Variants in MACROD2 observed in about 807,000 individuals in gnomAD.
The protein encoded by MACROD2 is ADP-ribose glycohydrolase MACROD2.
In MACROD2, 36 loss-of-function variants were observed where a neutral mutation model predicts 70.4. That is an observed-to-expected ratio of 0.51 (90% confidence interval 0.39 to 0.68). The LOEUF is 0.68. MACROD2 is among the 30% of genes least tolerant of loss of function. The pLI, the probability that MACROD2 is intolerant of heterozygous loss-of-function variation, is 0.00. For synonymous variants in MACROD2, 172 were observed against 178.8 expected (o/e 0.96, Z 0.30); for missense variants, 496 against 538.4 (o/e 0.92, Z 0.78).
At chr20:14,622,540 A>G (rs1313127899) in intron 4 of MACROD2, among the ~76,000 whole-genome samples, 1 of 152,148 alleles carries the variant, frequency 6.6e-6, no homozygotes, top group Non-Finnish European at 1.5e-5. Flanking sequence ...TTATTGTACT[A>G]TCATAGGGGA....
chr20:15,938,656 A>G (rs972895102), intron 12 of MACROD2, among the ~76,000 whole-genome samples: 1 of 152,164 alleles, frequency 6.6e-6, no homozygotes, highest in Non-Finnish European at 1.5e-5. Context: ...GCCAATTAAT[A>G]GACCTACAAT....
chr20:14,504,769 T>A (rs1017761843), intron 4 of MACROD2, among the ~76,000 whole-genome samples: 2 of 152,196 alleles, frequency 1.3e-5, no homozygotes, highest in Admixed American at 1.3e-4. Context: ...GTATTTTCAA[T>A]AATCAGAAAT....
chr20:14,555,884 G>T (rs561262242), intron 4 of MACROD2, among the ~76,000 whole-genome samples: 44 of 152,176 alleles, frequency 2.9e-4, no homozygotes, highest in African/African-American at 1.0e-3. Flanking sequence ...GCTGCAATTA[G>T]TTTTGCCTCA....
chr20:15,077,599 C>G (rs2075667968), intron 5 of MACROD2, among the ~76,000 whole-genome samples: 1 of 152,066 alleles, frequency 6.6e-6, no homozygotes, highest in African/African-American at 2.4e-5. Context: ...ATGTTTTACT[C>G]CAAGAATGGC....
intron 7 of MACROD2, among the ~76,000 whole-genome samples, chr20:15,495,330 T>C (rs1039553125): frequency 2.6e-5 from 4 of 152,230 alleles, no homozygotes; most frequent in African/African-American, 9.7e-5. Context: ...TTACCTTGTA[T>C]ATCCATGTCC....
At chr20:15,959,070 CAT>C (rs896757361) in intron 12 of MACROD2, among the ~76,000 whole-genome samples, 24 of 152,282 alleles carry the variant, frequency 1.6e-4, no homozygotes, top group African/African-American at 5.8e-4. Flanking sequence ...TTCTAGAACT[CAT>C]AGTTAAGCCT....
chr20:15,566,992 A>C (rs995795332), intron 8 of MACROD2, among the ~76,000 whole-genome samples: 1 of 152,174 alleles, frequency 6.6e-6, no homozygotes, highest in Non-Finnish European at 1.5e-5. Flanking sequence ...AAAGTGGAAA[A>C]GCCAGATCTT....
intron 12 of MACROD2, among the ~76,000 whole-genome samples, chr20:15,943,276 T>C (rs2065775692): frequency 6.6e-6 from 1 of 152,190 alleles, no homozygotes; most frequent in African/African-American, 2.4e-5. Flanking sequence ...AACGGCATTG[T>C]TTCTGTTCTT....
At chr20:15,493,058 T>G (rs1269283862) in intron 7 of MACROD2, among the ~76,000 whole-genome samples, 1 of 152,194 alleles carries the variant, frequency 6.6e-6, no homozygotes, top group African/African-American at 2.4e-5. Flanking sequence ...AGGATATGGA[T>G]GAAAACCCTT....
At chr20:15,494,019 C>T (rs958113995) in intron 7 of MACROD2, among the ~76,000 whole-genome samples, 1 of 152,122 alleles carries the variant, frequency 6.6e-6, no homozygotes, top group Non-Finnish European at 1.5e-5. Context: ...CCTTTCTTGG[C>T]TTAGGAACAT....
chr20:16,009,498 T>C (rs1038414125), intron 15 of MACROD2, among the ~76,000 whole-genome samples: 2 of 152,228 alleles, frequency 1.3e-5, no homozygotes, highest in Non-Finnish European at 2.9e-5. Flanking sequence ...GGCTCATGCC[T>C]GTAATCCCAG....
At chr20:15,313,735 G>C (rs2077778760) in intron 6 of MACROD2, among the ~76,000 whole-genome samples, 2 of 152,114 alleles carry the variant, frequency 1.3e-5, no homozygotes, top group South Asian at 4.1e-4. Flanking sequence ...GTAGTGGATG[G>C]GGAGGCTTTG....
intron 5 of MACROD2, among the ~76,000 whole-genome samples, chr20:14,958,580 G>A (rs902126834): frequency 2.0e-5 from 3 of 152,168 alleles, no homozygotes; most frequent in Non-Finnish European, 4.4e-5. Flanking sequence ...CACCCTTAGA[G>A]CTTCTGGAAG....
chr20:14,403,443 C>G (rs2083659843), intron 3 of MACROD2, among the ~76,000 whole-genome samples: 1 of 151,908 alleles, frequency 6.6e-6, no homozygotes, highest in Non-Finnish European at 1.5e-5. Flanking sequence ...TTTTAAAAAG[C>G]CCAAAGTATA....
At chr20:14,603,687 C>A (rs1982628854) in intron 4 of MACROD2, among the ~76,000 whole-genome samples, 3 of 152,056 alleles carry the variant, frequency 2.0e-5, no homozygotes, top group Admixed American at 1.3e-4. Flanking sequence ...TGACATTTTT[C>A]AATGTTTTCA....
At chr20:14,881,823 C>A (rs1188249299) in intron 5 of MACROD2, among the ~76,000 whole-genome samples, 1 of 152,126 alleles carries the variant, frequency 6.6e-6, no homozygotes, top group Non-Finnish European at 1.5e-5. Flanking sequence ...AGGGGAAGTT[C>A]CTGGAAATTC....
At chr20:14,804,308 A>G (rs2072613286) in intron 5 of MACROD2, among the ~76,000 whole-genome samples, 1 of 151,876 alleles carries the variant, frequency 6.6e-6, no homozygotes, top group Non-Finnish European at 1.5e-5. Flanking sequence ...TTTAAGCTTC[A>G]TTTAGATTCT....
At chr20:15,926,601 CA>C (rs2065493097) in intron 10 of MACROD2, among the ~76,000 whole-genome samples, 1 of 152,080 alleles carries the variant, frequency 6.6e-6, no homozygotes, top group African/African-American at 2.4e-5. Flanking sequence ...GGAGATGATG[CA>C]ATTTTAAATG....
intron 5 of MACROD2, among the ~76,000 whole-genome samples, chr20:15,219,589 T>G (rs1346421394): frequency 2.6e-5 from 4 of 152,236 alleles, no homozygotes; most frequent in African/African-American, 4.8e-5. Flanking sequence ...AAGTAGCCTC[T>G]TCTCATTTGT....
Sources: gnomAD v4.1 joint callset for allele counts (sites outside exome capture counted in the v4.1 genomes callset) on GRCh38, gnomAD v4.1.1 for gene constraint, MANE v1.5 for transcripts, NCBI Gene and HGNC (gene_info 2026-07-23, HGNC 2026-07-21) for gene names.